MAD1L1: variants seen among roughly 807,000 people sequenced by gnomAD.
The protein encoded by MAD1L1 is mitotic spindle assembly checkpoint protein MAD1.
MAD1L1 carries 95 observed loss-of-function variants against 96.9 expected under a neutral mutation model. The ratio of observed to expected loss-of-function variants is 0.98; its 90% CI spans 0.83 to 1.16. MAD1L1 has a LOEUF of 1.16. MAD1L1 is among the 50% of genes most tolerant of loss of function. The probability of loss-of-function intolerance (pLI) is 0.00; values close to 1 mark genes in which losing one functional copy is unlikely to be tolerated. For missense variants in MAD1L1, 1,007 were observed against 954.4 expected (o/e 1.06, Z -0.73); for synonymous variants, 473 against 396.6 (o/e 1.19, Z -2.29).
intron 16 of MAD1L1, among the ~76,000 whole-genome samples, chr7:1,956,865 G>A (rs2128473735): frequency 6.6e-6 from 1 of 152,386 alleles, no homozygotes; most frequent in East Asian, 1.9e-4. Context: ...GACACCTTGG[G>A]GAAAGGGCTG....
At position 2,191,896 on chromosome 7, in the gene MAD1L1, T is replaced by G. The variant is rs539395396; in HGVS notation, c.986+21316A>C. On this transcript the variant is annotated intron_variant, in intron 10 of 18. Transcript: ENST00000265854. ...AAATACAAAAACTAGCCGGGCGCAG[T>G]GGCAGGCACCTGTAATCTCAGCTAC... is the stretch of plus-strand genomic sequence containing the variant. 2.0e-4 allele frequency among the ~76,000 whole-genome samples: 30 copies of G among 151,980 alleles called. No individual in the cohort carries two copies. In the South Asian group the frequency reaches 6.2e-3, roughly 32 times the overall value.
At chr7:2,183,920 A>T (rs1017071085) in intron 10 of MAD1L1, among the ~76,000 whole-genome samples, 1 of 151,682 alleles carries the variant, frequency 6.6e-6, no homozygotes, top group Non-Finnish European at 1.5e-5. Flanking sequence ...AAAAAATAAA[A>T]ATAAAAATAA....
intron 18 of MAD1L1, among the ~76,000 whole-genome samples, chr7:1,882,185 C>G (rs898281273): frequency 6.6e-6 from 1 of 152,232 alleles, no homozygotes; most frequent in Non-Finnish European, 1.5e-5. Flanking sequence ...GTACCCCACC[C>G]TGGGCTGGAT....
In MAD1L1 at chr7:2,162,709, A is replaced by C. The variant is rs1481820831; in HGVS notation, c.987-13471T>G. ...AAGTTATCTATAATCCACCACTCAC[A>C]AAAAAAAAAAAAAAAAACGTAATGG... On this transcript the variant is annotated intron_variant, in intron 10 of 18. Coordinates refer to ENST00000265854, the MANE Select transcript of MAD1L1 (RefSeq NM_001013836.2). Among the ~76,000 whole-genome samples the C allele has an allele frequency of 6.8e-5, 5 of 73,206 alleles. No homozygotes were observed. In the East Asian group the frequency reaches 1.1e-3, roughly 16 times the overall value. 48.0% of individuals were successfully genotyped at this position (73,206 alleles called of 152,430 possible). A position where few individuals can be genotyped will look rare whatever the true frequency, so the allele number is the denominator to read the frequency against.
chr7:2,226,637 T>A (rs1043840356), intron 3 of MAD1L1, among the ~76,000 whole-genome samples: 3 of 152,282 alleles, frequency 2.0e-5, no homozygotes, highest in East Asian at 1.9e-4. Context: ...CAGTGCAGCA[T>A]CTCCCGGCAC....
intron 13 of MAD1L1, among the ~76,000 whole-genome samples, chr7:2,006,034 G>A (rs1323570787): frequency 3.3e-5 from 5 of 152,166 alleles, no homozygotes; most frequent in African/African-American, 4.8e-5. Flanking sequence ...ATGGGGGAGC[G>A]GCAGGGAGGC....
chr7:2,188,751 G>A (rs1791578013), intron 10 of MAD1L1, among the ~76,000 whole-genome samples: 1 of 151,910 alleles, frequency 6.6e-6, no homozygotes, highest in African/African-American at 2.4e-5. Flanking sequence ...CAGGGGAGAA[G>A]GTTTATGACA....
In MAD1L1 at chr7:2,098,847, G is replaced by A. The variant is rs1786634655; in HGVS notation, c.1074-29509C>T. On this transcript the variant is annotated intron_variant, in intron 11 of 18. Transcript: ENST00000265854. ...AGAGGTGGGCCCAAGGGGAAATGGA[G>A]GAACAGAAGGAAAGCCCCTGGAGGG... is the stretch of plus-strand genomic sequence containing the variant. Among the ~76,000 whole-genome samples the A allele has an allele frequency of 2.6e-5, 4 of 152,218 alleles. No individual in the cohort carries two copies. The South Asian group carries it at 6.2e-4, about 24-fold the overall frequency.
intron 10 of MAD1L1, among the ~76,000 whole-genome samples, chr7:2,181,808 G>GTC (rs199921648): frequency 0.04 from 5,868 of 148,078 alleles, 166 homozygotes; most frequent in Middle Eastern, 0.11. Flanking sequence ...AGAAAATGTG[G>GTC]TCTCTATATA....
At chr7:2,162,215 A>G (rs1262884259) in intron 10 of MAD1L1, among the ~76,000 whole-genome samples, 2 of 152,374 alleles carry the variant, frequency 1.3e-5, no homozygotes, top group African/African-American at 2.4e-5. Context: ...AGAAGTAGAC[A>G]TGGGAGACTC....
chr7:2,197,550 A>G (rs1792057188), intron 10 of MAD1L1, among the ~76,000 whole-genome samples: 1 of 151,974 alleles, frequency 6.6e-6, no homozygotes, highest in Non-Finnish European at 1.5e-5. Flanking sequence ...CTCCCTGCAC[A>G]CGGGCCCAAG....
rs141430197 is a variant in MAD1L1 at position 2,071,883 on chromosome 7, A to G, written c.1074-2545T>C. On this transcript the variant is annotated intron_variant, in intron 11 of 18. Transcript: ENST00000265854. ...AAAGGCTTCTCACGGGAACTGGGAG[A>G]GCTCCCACTGTTCCTGGAGGGTGGG... Among the ~76,000 whole-genome samples, 823 of 152,026 alleles carry G rather than the reference A, an allele frequency of 5.4e-3. 8 individuals are homozygous for G. Among genetic ancestry groups the G allele is most frequent in the African/African-American group, 0.019 (794 of 41,428 alleles).
chr7:2,161,231 T>C (rs959324530), intron 10 of MAD1L1, among the ~76,000 whole-genome samples: 1 of 151,278 alleles, frequency 6.6e-6, no homozygotes, highest in Admixed American at 6.6e-5. Flanking sequence ...CTCAGCCTGC[T>C]GAGTGCCTGA....
Position 1,953,489 on chromosome 7 carries a change from T to C in MAD1L1, c.1596+4140A>G, listed in dbSNP as rs937369826. On this transcript the variant is annotated intron_variant, in intron 16 of 18. Coordinates refer to ENST00000265854, the MANE Select transcript of MAD1L1 (RefSeq NM_001013836.2). Reference sequence around the variant, plus strand: ...CAACCTGCCCAAACAAGCACCATGATGAGGCCACATCGAGGAACGGCTGGA... The same window carrying C: ...CAACCTGCCCAAACAAGCACCATGACGAGGCCACATCGAGGAACGGCTGGA... 2.6e-5 allele frequency among the ~76,000 whole-genome samples: 4 copies of C among 152,158 alleles called. No homozygotes were observed. The East Asian group carries it at 7.7e-4, about 29-fold the overall frequency.
intron 11 of MAD1L1, among the ~76,000 whole-genome samples, chr7:2,105,187 T>C (rs6974873): frequency 0.023 from 3,558 of 152,118 alleles, 139 homozygotes; most frequent in African/African-American, 0.081. Flanking sequence ...CTTGGGGATA[T>C]TCCAGTGAGC....
At chr7:1,887,525 G>A (rs1183836372) in intron 18 of MAD1L1, among the ~76,000 whole-genome samples, 19 of 151,572 alleles carry the variant, frequency 1.3e-4, no homozygotes, top group Non-Finnish European at 2.7e-4. Context: ...CTGTGCGTGT[G>A]TGTCTGCATG....
intron 15 of MAD1L1, among the ~76,000 whole-genome samples, chr7:1,967,941 C>T (rs1780239584): frequency 6.6e-6 from 1 of 151,994 alleles, no homozygotes; most frequent in South Asian, 2.1e-4. Flanking sequence ...TGGTAATAAA[C>T]AAGTCCTGGT....
chr7:1,834,198 A>G (rs1782839663), intron 18 of MAD1L1, among the ~76,000 whole-genome samples: 1 of 152,212 alleles, frequency 6.6e-6, no homozygotes, highest in Non-Finnish European at 1.5e-5. Context: ...GGGGAAACTT[A>G]TAGCACTGAA....
At chr7:1,858,502 C>T (rs1376561576) in intron 18 of MAD1L1, among the ~76,000 whole-genome samples, 2 of 152,212 alleles carry the variant, frequency 1.3e-5, no homozygotes, top group Non-Finnish European at 1.5e-5. Flanking sequence ...ATGTGGTGCC[C>T]CCACCTCTGC....
Sources: gnomAD v4.1 joint callset for allele counts (sites outside exome capture counted in the v4.1 genomes callset) on GRCh38, gnomAD v4.1.1 for gene constraint, MANE v1.5 for transcripts, NCBI Gene and HGNC (gene_info 2026-07-23, HGNC 2026-07-21) for gene names.